Variants in PARD3B observed in about 807,000 individuals in gnomAD.
PARD3B encodes the protein par-3 family cell polarity regulator beta.
Under a neutral mutation model 130.2 loss-of-function variants are expected in PARD3B, and 103 were observed. That is an observed-to-expected ratio of 0.79 (90% CI 0.67 to 0.93). The LOEUF (loss-of-function observed/expected upper bound fraction) is 0.93. Ranked by LOEUF, PARD3B falls within the 40% of genes least tolerant of loss-of-function variation. PARD3B has a pLI of 0.00. For missense variants in PARD3B, 1,609 were observed against 1,499.2 expected (o/e 1.07, Z -1.21); for synonymous variants, 583 against 553.2 (o/e 1.05, Z -0.76).
intron 10 of PARD3B, among the ~76,000 whole-genome samples, chr2:205,145,382 A>G (rs748067124): frequency 4.6e-5 from 7 of 152,202 alleles, no homozygotes; most frequent in Non-Finnish European, 8.8e-5. Context: ...TCATTTATCC[A>G]TTTATGGAAT....
chr2:205,182,665 CT>C (rs2035860171), intron 13 of PARD3B, among the ~76,000 whole-genome samples: 1 of 152,156 alleles, frequency 6.6e-6, no homozygotes, highest in Non-Finnish European at 1.5e-5. Flanking sequence ...CCAAGAATTA[CT>C]TTACATAATA....
At chr2:204,551,952 A>T (rs1256047034) in intron 1 of PARD3B, among the ~76,000 whole-genome samples, 1 of 152,216 alleles carries the variant, frequency 6.6e-6, no homozygotes, top group Admixed American at 6.5e-5. Flanking sequence ...GATGTTCTAG[A>T]TCTGCATCTT....
intron 3 of PARD3B, among the ~76,000 whole-genome samples, chr2:205,025,682 C>G (rs1009355475): frequency 1.2e-4 from 18 of 152,100 alleles, no homozygotes; most frequent in Non-Finnish European, 1.3e-4. Flanking sequence ...TATCGGTGGT[C>G]TGGGTTCCTG....
At chr2:204,836,933 A>G (rs2044056807) in intron 2 of PARD3B, among the ~76,000 whole-genome samples, 1 of 152,196 alleles carries the variant, frequency 6.6e-6, no homozygotes, top group Non-Finnish European at 1.5e-5. Flanking sequence ...TTTACATGCT[A>G]TATAGAACTA....
intron 8 of PARD3B, 101 bp from the exon 9 acceptor site, chr2:205,124,226 G>T: frequency 1.1e-6 from 1 of 951,916 alleles, no homozygotes; most frequent in South Asian, 3.7e-5. Flanking sequence ...ATATTTTACT[G>T]ATTCTATATT....
At chr2:204,925,673 C>T (rs957476069) in intron 2 of PARD3B, among the ~76,000 whole-genome samples, 4 of 152,070 alleles carry the variant, frequency 2.6e-5, no homozygotes, top group African/African-American at 7.2e-5. Flanking sequence ...TGGGTCATTT[C>T]AGTGAGATTC....
intron 7 of PARD3B, among the ~76,000 whole-genome samples, chr2:205,120,381 G>A (rs1313784057): frequency 6.6e-6 from 1 of 152,064 alleles, no homozygotes; most frequent in African/African-American, 2.4e-5. Context: ...GGTGGAGTTA[G>A]GCCTATGTGA....
intron 3 of PARD3B, among the ~76,000 whole-genome samples, chr2:204,969,138 A>G (rs1691489424): frequency 6.6e-6 from 1 of 152,230 alleles, no homozygotes; most frequent in Admixed American, 6.5e-5. Flanking sequence ...CCAAAATCCC[A>G]GGCGAAATTG....
chr2:205,159,418 A>G (rs1424726558), intron 11 of PARD3B, among the ~76,000 whole-genome samples: 1 of 152,182 alleles, frequency 6.6e-6, no homozygotes, highest in Non-Finnish European at 1.5e-5. Flanking sequence ...AGAGAAGCTT[A>G]GTTTTCTAGG....
intron 22 of PARD3B, among the ~76,000 whole-genome samples, chr2:205,571,582 TCC>T (rs2053562901): frequency 6.6e-6 from 1 of 152,188 alleles, no homozygotes; most frequent in African/African-American, 2.4e-5. Flanking sequence ...TAACCAGATG[TCC>T]CAGAAGACTC....
intron 3 of PARD3B, among the ~76,000 whole-genome samples, chr2:205,023,828 AT>A (rs1696813692): frequency 6.6e-6 from 1 of 152,082 alleles, no homozygotes; most frequent in Non-Finnish European, 1.5e-5. Context: ...AAAAAAACAG[AT>A]GTGTATTTAC....
Position 204,664,648 on chromosome 2 carries a change from A to G in PARD3B, c.121-21533A>G, listed in dbSNP as rs774399377. ...GCACATTTTGGCTCTGGTAAAATCT[A>G]TTCTGAAGAACTTATAGGCAAATAG... On this transcript the variant is annotated intron_variant, in intron 1 of 22. Transcript: ENST00000406610. The surrounding 1 kb of genome is among the most constrained non-coding windows in gnomAD (Gnocchi z 5.2). 7.2e-5 allele frequency among the ~76,000 whole-genome samples: 11 copies of G among 152,220 alleles called. No individual in the cohort carries two copies. The highest frequency in any genetic ancestry group is 1.0e-4 in the Non-Finnish European group (7 of 68,036).
chr2:205,428,171 T>G (rs2047210068), intron 19 of PARD3B, among the ~76,000 whole-genome samples: 1 of 151,964 alleles, frequency 6.6e-6, no homozygotes, highest in South Asian at 2.1e-4. Context: ...TCGCTTGACC[T>G]CGGGAGTTTG....
Position 204,840,913 on chromosome 2 carries a change from A to T in PARD3B, c.223-124239A>T, listed in dbSNP as rs73066686. Among the ~76,000 whole-genome samples the T allele has an allele frequency of 6.9e-3, 1,047 of 152,256 alleles. 6 individuals are homozygous for T. Among genetic ancestry groups the T allele is most frequent in the African/African-American group, 0.024 (980 of 41,540 alleles). ...TTATTGTATGTAAGTATAGGAAAAAACATAGTGTATATAGGGTTTGGTGCT... is the reference window on the plus strand; with the variant it reads ...TTATTGTATGTAAGTATAGGAAAAATCATAGTGTATATAGGGTTTGGTGCT... On this transcript the variant is annotated intron_variant, in intron 2 of 22. Coordinates refer to ENST00000406610, the MANE Select transcript of PARD3B (RefSeq NM_001302769.2).
chr2:205,256,939 A>G lies in PARD3B; in HGVS notation c.2185+11117A>G, dbSNP rs142234399. ...CTGGAAAAGAAAAAAGCCATAAGGA[A>G]AATCATAATTAGGGAATATTAAACC... On this transcript the variant is annotated intron_variant, in intron 16 of 22. Transcript: ENST00000406610. 1.5e-4 allele frequency among the ~76,000 whole-genome samples: 23 copies of G among 152,268 alleles called. No homozygotes were observed. In the East Asian group the frequency reaches 3.9e-3, roughly 26 times the overall value.
chr2:204,575,658 T>C (rs1214402339), intron 1 of PARD3B, among the ~76,000 whole-genome samples: 3 of 152,208 alleles, frequency 2.0e-5, no homozygotes, highest in East Asian at 1.9e-4. Flanking sequence ...TCCTCCTGGC[T>C]CTCTCTGGCT....
At chr2:205,236,139 G>T (rs1006051142) in intron 15 of PARD3B, among the ~76,000 whole-genome samples, 4 of 152,320 alleles carry the variant, frequency 2.6e-5, no homozygotes, top group African/African-American at 4.8e-5. Context: ...TCATATTCAT[G>T]CAAGAAGAAA....
Position 204,673,774 on chromosome 2 carries a change from TTTG to T in PARD3B, c.121-12404_121-12402del, listed in dbSNP as rs753448059. On this transcript the variant is annotated intron_variant, in intron 1 of 22. Transcript: ENST00000406610. The surrounding 1 kb of genome is among the most constrained non-coding windows in gnomAD (Gnocchi z 4.7). Reference sequence around the variant, plus strand: ...ATCATTAATTCACGTATGTATTTTGTTTGTTAATTATTGTCTTCTCCCTTCACT... The same window carrying T: ...ATCATTAATTCACGTATGTATTTTGTTTAATTATTGTCTTCTCCCTTCACT... 1.3e-4 allele frequency among the ~76,000 whole-genome samples: 20 copies of T among 152,352 alleles called. No individual in the cohort carries two copies. In the South Asian group the frequency reaches 4.1e-3, roughly 32 times the overall value.
rs142080942 is a variant in PARD3B, at chr2:204,990,551, G to C, written c.394+25228G>C. The stretch of plus-strand genomic sequence containing the variant: ...TCTCCCTCCCACTTTCCAGACTCTA[G>C]TAACTATCATTCTACTCTCTGATTC... On this transcript the variant is annotated intron_variant, in intron 3 of 22. Transcript: ENST00000406610. 5.9e-5 allele frequency among the ~76,000 whole-genome samples: 9 copies of C among 152,024 alleles called. No individual in the cohort carries two copies. In the East Asian group the frequency reaches 1.2e-3, roughly 20 times the overall value.
Sources: allele counts gnomAD v4.1 joint callset (sites outside exome capture counted in the v4.1 genomes callset), GRCh38; gene constraint gnomAD v4.1.1; non-coding constraint Gnocchi (gnomAD v3.1); transcripts MANE v1.5; gene names NCBI Gene and HGNC (gene_info 2026-07-23, HGNC 2026-07-21).